CXADR: variants seen among roughly 807,000 people sequenced by gnomAD.
CXADR encodes coxsackievirus and adenovirus receptor.
In CXADR, 20 loss-of-function variants were observed where a neutral mutation model predicts 40.3. That is an observed-to-expected ratio of 0.50 (90% confidence interval 0.35 to 0.72). The LOEUF is 0.72. CXADR is among the 30% of genes least tolerant of loss of function. CXADR has a pLI of 0.01. For synonymous variants in CXADR, 150 were observed against 161.3 expected, an observed-to-expected ratio of 0.93 and a Z score of 0.53; for missense variants, 332 against 449.1, an observed-to-expected ratio of 0.74 and a Z score of 2.36.
At chr21:17,526,203 G>A (rs1226740675) in intron 1 of CXADR, among the ~76,000 whole-genome samples, 1 of 152,124 alleles carries the variant, frequency 6.6e-6, no homozygotes, top group Non-Finnish European at 1.5e-5. Context: ...CATTTAACCT[G>A]AAAAAGCATG....
Position 17,568,233 on chromosome 21 carries a change from A to G in CXADR, c.*2541A>G, listed in dbSNP as rs2061238165. On this transcript the variant is annotated 3_prime_UTR_variant, in exon 7 of 7. Transcript: ENST00000284878. ...AAGCTCCGCCTCCCAGGTTCACGCC[A>G]TTCTCCTGCCTCAGCCTCCCGAGCA... The G allele has an allele frequency of 3.3e-6, 3 of 902,856 alleles. No homozygotes were observed. The highest frequency in any genetic ancestry group is 3.9e-6 in the Non-Finnish European group (3 of 760,264). The allele number at this position is 902,856 out of a possible 1,614,324, so 55.9% of individuals were successfully genotyped here. A position where few individuals can be genotyped will look rare whatever the true frequency, so the allele number is the denominator to read the frequency against.
At position 17,567,488 on chromosome 21, in the gene CXADR, G is replaced by T; in HGVS notation, c.*1796G>T. ...ATCACCTACCTGAAAGGTGCTTAGA[G>T]GTGAAGGTACTGTTTCTAAAAACAC... On this transcript the variant is annotated 3_prime_UTR_variant, in exon 7 of 7. Coordinates refer to ENST00000284878, the MANE Select transcript of CXADR (RefSeq NM_001338.5). 1 of 985,380 alleles carries T rather than the reference G, an allele frequency of 1.0e-6. No individual in the cohort carries two copies. The highest frequency in any genetic ancestry group is 1.2e-6 in the Non-Finnish European group (1 of 829,898). The allele number at this position is 985,380 out of a possible 1,614,324, so 61.0% of individuals were successfully genotyped here.
chr21:17,576,442 T>C (rs867679965), intron 7 of CXADR, among the ~76,000 whole-genome samples: 1 of 152,222 alleles, frequency 6.6e-6, no homozygotes, highest in Non-Finnish European at 1.5e-5. Flanking sequence ...TGTTTACATA[T>C]GTCAAGTATA....
chr21:17,596,672 A>G (rs1218066382), downstream of CXADR, among the ~76,000 whole-genome samples: 1 of 152,100 alleles, frequency 6.6e-6, no homozygotes, highest in Non-Finnish European at 1.5e-5. Context: ...AACCATTACC[A>G]CACTGTCTTG....
chr21:17,590,150 A>C (rs538334511), intron 7 of CXADR, among the ~76,000 whole-genome samples: 13 of 152,048 alleles, frequency 8.5e-5, no homozygotes, highest in African/African-American at 3.1e-4. Context: ...AGTATTTTTA[A>C]GTCCTATGAA....
At chr21:17,622,606 G>T in the CXADR span, among the ~76,000 whole-genome samples, 9 of 152,024 alleles carry the variant, frequency 5.9e-5, no homozygotes, top group Admixed American at 5.2e-4. Flanking sequence ...TTTTTTTCCA[G>T]AAGGAAATAA....
chr21:17,547,430 T>A (rs1488286929), intron 2 of CXADR, among the ~76,000 whole-genome samples: 1 of 152,170 alleles, frequency 6.6e-6, no homozygotes, highest in Non-Finnish European at 1.5e-5. Flanking sequence ...AAAAGATCAC[T>A]GGAGTTCTTA....
At chr21:17,594,060 C>T, downstream of CXADR, 1 of 1,597,390 alleles carries the variant, frequency 6.3e-7, no homozygotes, top group South Asian at 1.1e-5. Flanking sequence ...CTACCTTTTT[C>T]TCAACATGAC....
chr21:17,553,331 C>T (rs2060993445), intron 3 of CXADR, among the ~76,000 whole-genome samples: 1 of 152,144 alleles, frequency 6.6e-6, no homozygotes, highest in African/African-American at 2.4e-5. Context: ...TTTTTGTGTA[C>T]CTTCATGGCA....
At chr21:17,604,108 TA>T in the CXADR span, 1 of 1,275,016 alleles carries the variant, frequency 7.8e-7, no homozygotes, top group Non-Finnish European at 1.0e-6. Context: ...ACTTCCATTA[TA>T]AAAATAAAAC....
chr21:17,546,962 C>A, intron 1 of CXADR, 65 bp from the exon 2 acceptor site: 1 of 1,572,698 alleles, frequency 6.4e-7, no homozygotes, highest in Non-Finnish European at 8.7e-7. Flanking sequence ...TGAATGGCTG[C>A]GGGGCACTGT....
At chr21:17,518,685 C>T in intron 1 of CXADR, 1 of 1,610,052 alleles carries the variant, frequency 6.2e-7, no homozygotes, top group East Asian at 2.2e-5. Context: ...CAGCACCAAG[C>T]TGACTTAATA....
At chr21:17,537,434 G>C (rs969432044) in intron 1 of CXADR, among the ~76,000 whole-genome samples, 8 of 152,190 alleles carry the variant, frequency 5.3e-5, no homozygotes, top group Admixed American at 3.3e-4. Context: ...ATCCAGACTT[G>C]CCTGATTGCT....
At chr21:17,585,079 T>G (rs1030107352) in intron 7 of CXADR, among the ~76,000 whole-genome samples, 1 of 152,194 alleles carries the variant, frequency 6.6e-6, no homozygotes, top group Non-Finnish European at 1.5e-5. Context: ...CTTATTAAAT[T>G]AACTCTGAAA....
the CXADR span, chr21:17,612,643 T>G: frequency 6.7e-6 from 1 of 148,308 alleles, no homozygotes; most frequent in Non-Finnish European, 1.5e-5. Flanking sequence ...GGGACCACCC[T>G]CCCCCGATAC....
chr21:17,560,663 T>C (rs2061105169), intron 4 of CXADR, 39 bp from the exon 5 acceptor site: 1 of 1,585,324 alleles, frequency 6.3e-7, no homozygotes, highest in East Asian at 2.2e-5. Context: ...CAATACATAC[T>C]ATAAAAATGA....
At chr21:17,542,958 G>C (rs757517228) in intron 1 of CXADR, 2 of 254,212 alleles carry the variant, frequency 7.9e-6, no homozygotes, top group Non-Finnish European at 1.6e-5. Flanking sequence ...GTGAAAAGAG[G>C]CCCTTCAGTG....
intron 7 of CXADR, among the ~76,000 whole-genome samples, chr21:17,579,852 A>G (rs2061348035): frequency 6.6e-6 from 1 of 151,830 alleles, no homozygotes; most frequent in South Asian, 2.1e-4. Flanking sequence ...TTGTATGAAG[A>G]CATGATTTGT....
intron 1 of CXADR, among the ~76,000 whole-genome samples, chr21:17,515,319 C>T (rs2123088352): frequency 6.6e-6 from 1 of 152,122 alleles, no homozygotes; most frequent in South Asian, 2.1e-4. Flanking sequence ...TGCAGTGATG[C>T]TTGTCATAGT....
Sources: gnomAD v4.1 joint callset for allele counts (sites outside exome capture counted in the v4.1 genomes callset) on GRCh38, gnomAD v4.1.1 for gene constraint, MANE v1.5 for transcripts, NCBI Gene and HGNC (gene_info 2026-07-23, HGNC 2026-07-21) for gene names.